XXYLT1: variants seen among roughly 807,000 people sequenced by gnomAD.
The protein encoded by XXYLT1 is UDP-xylose:alpha-xyloside alpha-1,3-xylosyltransferase.
Under a neutral mutation model 28.9 loss-of-function variants are expected in XXYLT1, and 20 were observed. The ratio of observed to expected loss-of-function variants is 0.69; its 90% CI spans 0.49 to 1.00. XXYLT1 has a LOEUF of 1.00. Among genes scored for constraint, XXYLT1 ranks in the 50% least tolerant of loss-of-function variants. The pLI, the probability that XXYLT1 is intolerant of heterozygous loss-of-function variation, is 0.00. For synonymous variants in XXYLT1, 257 were observed against 253.8 expected (o/e 1.01, Z -0.12); for missense variants, 542 against 560.1 (o/e 0.97, Z 0.33).
At chr3:195,241,033 C>G (rs1724753313) in intron 1 of XXYLT1, among the ~76,000 whole-genome samples, 1 of 152,230 alleles carries the variant, frequency 6.6e-6, no homozygotes, top group Non-Finnish European at 1.5e-5. Flanking sequence ...GTAAAGACAT[C>G]TGCCTCCCAA....
intron 1 of XXYLT1, among the ~76,000 whole-genome samples, chr3:195,242,410 C>T (rs1343692059): frequency 3.3e-5 from 5 of 152,166 alleles, no homozygotes; most frequent in Non-Finnish European, 7.3e-5. Context: ...TACACCCAAC[C>T]TGCAAACTAC....
Position 195,169,653 on chromosome 3 carries a change from C to A in XXYLT1, c.653-13072G>T, listed in dbSNP as rs1046443263. ...TACGATAGGTTTATTGGGCTATAGCCCCCCCCATAAGTAAAGGAGCGACTG... is the reference window on the plus strand; with the variant it reads ...TACGATAGGTTTATTGGGCTATAGCACCCCCCATAAGTAAAGGAGCGACTG... On this transcript the variant is annotated intron_variant, in intron 2 of 3. Coordinates refer to ENST00000310380, the MANE Select transcript of XXYLT1 (RefSeq NM_152531.5). Among the ~76,000 whole-genome samples, 13 of 152,050 alleles carry A rather than the reference C, an allele frequency of 8.5e-5. No homozygotes were observed. The South Asian group carries it at 2.5e-3, about 29-fold the overall frequency.
In XXYLT1 at chr3:195,173,335, C is replaced by T. The variant is rs1184172436; in HGVS notation, c.653-16754G>A. ...CAGGAAGGCTCAGGGAAAGACGCAG[C>T]GTCTCCTCCCCCAGCATCTGCCTGG... On this transcript the variant is annotated intron_variant, in intron 2 of 3. Coordinates refer to ENST00000310380, the MANE Select transcript of XXYLT1 (RefSeq NM_152531.5). This position sits in a 1 kb window ranked among gnomAD's most constrained non-coding sequence, Gnocchi z 4.3. 6.6e-6 allele frequency among the ~76,000 whole-genome samples: 1 copy of T among 152,112 alleles called. No homozygotes were observed. Among genetic ancestry groups the T allele is most frequent in the Admixed American group, 6.5e-5 (1 of 15,278 alleles).
chr3:195,111,849 A>T (rs1440048752), intron 3 of XXYLT1, among the ~76,000 whole-genome samples: 1 of 152,234 alleles, frequency 6.6e-6, no homozygotes, highest in Non-Finnish European at 1.5e-5. Flanking sequence ...TTAAAGATTT[A>T]AAATTGAGGT....
At chr3:195,170,472 T>C (rs1454041594) in intron 2 of XXYLT1, among the ~76,000 whole-genome samples, 4 of 152,228 alleles carry the variant, frequency 2.6e-5, no homozygotes, top group Non-Finnish European at 5.9e-5. Context: ...TCCAAGCTTC[T>C]GCAACCTTCC....
intron 3 of XXYLT1, among the ~76,000 whole-genome samples, chr3:195,131,203 C>T (rs149521128): frequency 6.6e-6 from 1 of 152,350 alleles, no homozygotes; most frequent in African/African-American, 2.4e-5. Flanking sequence ...CTGACCCCCA[C>T]ATTGCTCAAA....
chr3:195,177,498 CT>C (rs1721727052), intron 2 of XXYLT1, among the ~76,000 whole-genome samples: 1 of 152,206 alleles, frequency 6.6e-6, no homozygotes, highest in Non-Finnish European at 1.5e-5. Flanking sequence ...GAATCAGTCT[CT>C]GACACAACCT....
Position 195,109,925 on chromosome 3 carries a change from ATG to A in XXYLT1, c.786-39816_786-39815del, listed in dbSNP as rs1289392118. 3.2e-4 allele frequency among the ~76,000 whole-genome samples: 6 copies of A among 18,608 alleles called. 2 individuals are homozygous for A. Among genetic ancestry groups the A allele is most frequent in the Non-Finnish European group, 5.6e-4 (5 of 8,928 alleles). 12.2% of individuals were successfully genotyped at this position (18,608 alleles called of 152,430 possible). ...GTGTGTGTGGTGTGTGTGGGGGTAT[ATG>A]TGTGTGTGGTATATGAGTGTGCGTG... is the stretch of plus-strand genomic sequence containing the variant. On this transcript the variant is annotated intron_variant, in intron 3 of 3. Transcript: ENST00000310380.
chr3:195,164,731 G>A (rs1335043759), intron 2 of XXYLT1, among the ~76,000 whole-genome samples: 1 of 152,214 alleles, frequency 6.6e-6, no homozygotes, highest in East Asian at 1.9e-4. Flanking sequence ...TGTTTCTGAT[G>A]GCCAACCTCT....
At chr3:195,102,446 C>T (rs983208242) in intron 3 of XXYLT1, among the ~76,000 whole-genome samples, 3 of 152,184 alleles carry the variant, frequency 2.0e-5, no homozygotes, top group African/African-American at 4.8e-5. Flanking sequence ...CCCTCACCCT[C>T]GCCGTGGCCA....
intron 2 of XXYLT1, among the ~76,000 whole-genome samples, chr3:195,193,225 A>G (rs1722494481): frequency 6.6e-6 from 1 of 150,502 alleles, no homozygotes; most frequent in Non-Finnish European, 1.5e-5. Flanking sequence ...GAGGTGGAGG[A>G]TGCAGTGGGC....
chr3:195,161,629 T>C (rs1382897922), intron 2 of XXYLT1, among the ~76,000 whole-genome samples: 6 of 146,354 alleles, frequency 4.1e-5, no homozygotes, highest in African/African-American at 1.5e-4. Context: ...TATATAGATA[T>C]ATAGATTTTT....
chr3:195,197,441 TAA>T (rs59076636), intron 2 of XXYLT1, among the ~76,000 whole-genome samples: 60 of 106,074 alleles, frequency 5.7e-4, no homozygotes, highest in Admixed American at 6.9e-4. Context: ...AGTCTCAATT[TAA>T]AAAAAAAAAA....
intron 2 of XXYLT1, among the ~76,000 whole-genome samples, chr3:195,206,934 A>G (rs974658425): frequency 3.3e-5 from 5 of 152,096 alleles, no homozygotes; most frequent in African/African-American, 1.2e-4. Context: ...ACAGGCATTC[A>G]TTATGCTCTC....
rs761084086 is a variant in XXYLT1 at position 195,076,094 on chromosome 3, G to A, written c.786-5983C>T. 5.3e-5 allele frequency among the ~76,000 whole-genome samples: 8 copies of A among 152,286 alleles called. No individual in the cohort carries two copies. The highest frequency in any genetic ancestry group is 4.1e-4 in the South Asian group (2 of 4,822). On this transcript the variant is annotated intron_variant, in intron 3 of 3. Coordinates refer to ENST00000310380, the MANE Select transcript of XXYLT1 (RefSeq NM_152531.5). This position sits in a 1 kb window ranked among gnomAD's most constrained non-coding sequence, Gnocchi z 5.3. ...CCTCCGCCTCCTGGAGCCTCTCCCCGCACGCTGGAGGCTGCCAGGGCCCTG... is the reference window on the plus strand; with the variant it reads ...CCTCCGCCTCCTGGAGCCTCTCCCCACACGCTGGAGGCTGCCAGGGCCCTG...
Position 195,180,839 on chromosome 3 carries a change from G to A in XXYLT1, c.653-24258C>T, listed in dbSNP as rs577469440. 2.6e-5 allele frequency among the ~76,000 whole-genome samples: 4 copies of A among 152,168 alleles called. No homozygotes were observed. Among genetic ancestry groups the A allele is most frequent in the Non-Finnish European group, 4.4e-5 (3 of 68,032 alleles). Reference sequence around the variant, plus strand: ...CTAGTCCTGCCTCAGGACTTTGCTCGTGAGGGGTCCTCAAGGCCACTGTCG... The same window carrying A: ...CTAGTCCTGCCTCAGGACTTTGCTCATGAGGGGTCCTCAAGGCCACTGTCG... On this transcript the variant is annotated intron_variant, in intron 2 of 3. Coordinates refer to ENST00000310380, the MANE Select transcript of XXYLT1 (RefSeq NM_152531.5). This position sits in a 1 kb window ranked among gnomAD's most constrained non-coding sequence, Gnocchi z 5.8.
Position 195,207,681 on chromosome 3 carries a change from ATATT to A in XXYLT1, c.652+19024_652+19027del, listed in dbSNP as rs574616765. 2.7e-3 allele frequency among the ~76,000 whole-genome samples: 404 copies of A among 152,222 alleles called. 3 individuals are homozygous for A. Among genetic ancestry groups the A allele is most frequent in the Non-Finnish European group, 2.4e-3 (165 of 68,012 alleles). On this transcript the variant is annotated intron_variant, in intron 2 of 3. Transcript: ENST00000310380. ...AAAACTTAGCAGCTGCAAACAACAA[ATATT>A]TATTTATCTTACAGATAAATAAATA...
rs113996656 is a variant in XXYLT1, at chr3:195,181,143, G to A, written c.653-24562C>T. Among the ~76,000 whole-genome samples the A allele has an allele frequency of 2.5e-3, 381 of 152,336 alleles. 2 individuals carry two copies. The highest frequency in any genetic ancestry group is 8.6e-3 in the African/African-American group (356 of 41,576). On this transcript the variant is annotated intron_variant, in intron 2 of 3. Coordinates refer to ENST00000310380, the MANE Select transcript of XXYLT1 (RefSeq NM_152531.5). The stretch of plus-strand genomic sequence containing the variant: ...ATTTATTTGAGAAGTCGGTGCTTGA[G>A]AACACTGTGCTTCTCCTGAGGACTG...
chr3:195,192,294 A>G (rs369485752), intron 2 of XXYLT1, among the ~76,000 whole-genome samples: 2 of 152,198 alleles, frequency 1.3e-5, no homozygotes, highest in South Asian at 2.1e-4. Flanking sequence ...GTGTGGTGGC[A>G]TGCACCAGTA....
Sources: allele counts gnomAD v4.1 joint callset (sites outside exome capture counted in the v4.1 genomes callset), GRCh38; gene constraint gnomAD v4.1.1; non-coding constraint Gnocchi (gnomAD v3.1); transcripts MANE v1.5; gene names NCBI Gene and HGNC (gene_info 2026-07-23, HGNC 2026-07-21).